The following CLTC variants were observed in gnomAD, a reference collection of about 807,000 sequenced individuals.
The protein encoded by CLTC is clathrin heavy chain.
In CLTC, 16 loss-of-function variants were observed where a neutral mutation model predicts 195.8. The observed-to-expected ratio is 0.08, with a 90% confidence interval of 0.06 to 0.12. CLTC has a LOEUF of 0.12. Among genes scored for constraint, CLTC ranks in the 10% least tolerant of loss-of-function variants. The pLI, the probability that CLTC is intolerant of heterozygous loss-of-function variation, is 1.00. For synonymous variants in CLTC, 667 were observed against 689.4 expected, an observed-to-expected ratio of 0.97 and a Z score of 0.51; for missense variants, 796 against 2,027.0, an observed-to-expected ratio of 0.39 and a Z score of 11.66.
At chr17:59,668,196 A>G (rs998116046) in intron 13 of CLTC, among the ~76,000 whole-genome samples, 2 of 152,152 alleles carry the variant, frequency 1.3e-5, no homozygotes, top group African/African-American at 2.4e-5. Context: ...ATTCTTCCCA[A>G]ATTATTTTGT....
Position 59,682,341 on chromosome 17 carries a change from A to G in CLTC, c.3513A>G (p.Thr1171=). The change falls in exon 22 of 32, where the codon ACA becomes ACG. Residue 1171 remains threonine (T), a synonymous_variant. Coordinates refer to ENST00000269122, the MANE Select transcript of CLTC (RefSeq NM_004859.4). The surrounding 1 kb of genome is among the most constrained non-coding windows in gnomAD (Gnocchi z 6.8). ...RKKARESYVE[T]ELIFALAKTN... Reference sequence around the variant, plus strand: ...AGGCTCGAGAGTCCTATGTGGAGACAGAACTGATATTCGCACTGGCTAAAA... The same window carrying G: ...AGGCTCGAGAGTCCTATGTGGAGACGGAACTGATATTCGCACTGGCTAAAA... 1.2e-6 allele frequency: 2 copies of G among 1,614,194 alleles called. No homozygotes were observed. Among genetic ancestry groups the G allele is most frequent in the Non-Finnish European group, 1.7e-6 (2 of 1,179,998 alleles).
intron 6 of CLTC, among the ~76,000 whole-genome samples, chr17:59,656,973 A>G (rs902338753): frequency 6.6e-6 from 1 of 152,016 alleles, no homozygotes; most frequent in African/African-American, 2.4e-5. Flanking sequence ...CGCACAGCCT[A>G]TTTTAATATT....
intron 1 of CLTC, among the ~76,000 whole-genome samples, chr17:59,629,095 C>T (rs1028906480): frequency 6.6e-6 from 1 of 152,080 alleles, no homozygotes; most frequent in Non-Finnish European, 1.5e-5. Flanking sequence ...TTGGATAGAT[C>T]TCATTATTTA....
chr17:59,662,617 G>C (rs536235204), intron 8 of CLTC, among the ~76,000 whole-genome samples: 3 of 152,244 alleles, frequency 2.0e-5, no homozygotes, highest in African/African-American at 7.2e-5. Flanking sequence ...TATATGTTAG[G>C]ACTGTTTTTA....
chr17:59,647,592 G>T lies in CLTC; in HGVS notation c.445G>T (p.Ala149Ser). Residue 149 changes from alanine (A) to serine (S), a missense_variant, in exon 3 of 32, where the codon GCA (alanine) becomes TCA (serine). Ala to Ser is a moderately conservative substitution (Grantham distance 99). Around this residue, in one of 9 missense-constraint regions of CLTC, gnomAD observed 293 missense variants for 795.6 expected, o/e 0.37. Coordinates refer to ENST00000269122, the MANE Select transcript of CLTC (RefSeq NM_004859.4). The part of the protein sequence containing the change: ...VKMFDRHSSL[A>S]GCQIINYRTD... ...AATGTTTGATCGCCATTCTAGCCTT[G>T]CAGGGTGCCAGATTATCAATTACCG... 1.2e-6 allele frequency: 2 copies of T among 1,614,100 alleles called. No homozygotes were observed. Among genetic ancestry groups the T allele is most frequent in the Non-Finnish European group, 1.7e-6 (2 of 1,179,994 alleles).
At chr17:59,620,650 C>G (rs1234572294) in intron 1 of CLTC, among the ~76,000 whole-genome samples, 1 of 149,030 alleles carries the variant, frequency 6.7e-6, no homozygotes, top group African/African-American at 2.5e-5. Flanking sequence ...GAGGAGCAAC[C>G]TTTTTTTTCC....
At chr17:59,639,768 G>A (rs2031974989) in intron 1 of CLTC, among the ~76,000 whole-genome samples, 1 of 149,566 alleles carries the variant, frequency 6.7e-6, no homozygotes, top group Admixed American at 6.7e-5. Context: ...AGGAGTTCGA[G>A]ACCAGCCTGG....
chr17:59,670,150 C>A (rs1274009713), intron 14 of CLTC, among the ~76,000 whole-genome samples: 10 of 152,128 alleles, frequency 6.6e-5, no homozygotes, highest in Non-Finnish European at 8.8e-5. Context: ...ATTTGATACT[C>A]TGTGCTTGAC....
chr17:59,684,672 G>A (rs181900599), intron 28 of CLTC, among the ~76,000 whole-genome samples: 728 of 152,214 alleles, frequency 4.8e-3, no homozygotes, highest in Non-Finnish European at 8.3e-3. Flanking sequence ...CGGTTGTGGT[G>A]GCACGTGCCT....
chr17:59,679,335 TA>T, intron 17 of CLTC, 61 bp from the exon 18 acceptor site: 1 of 1,389,520 alleles, frequency 7.2e-7, no homozygotes, highest in Non-Finnish European at 9.9e-7. Flanking sequence ...AAATACCCTC[TA>T]AAATGCTATA....
At chr17:59,626,661 C>T (rs1232686343) in intron 1 of CLTC, among the ~76,000 whole-genome samples, 1 of 152,062 alleles carries the variant, frequency 6.6e-6, no homozygotes, top group African/African-American at 2.4e-5. Flanking sequence ...CACTATATGC[C>T]ATGCCAAAAC....
At chr17:59,662,255 T>G (rs2032627596) in intron 8 of CLTC, among the ~76,000 whole-genome samples, 1 of 152,200 alleles carries the variant, frequency 6.6e-6, no homozygotes, top group Non-Finnish European at 1.5e-5. Context: ...ATATGAACCT[T>G]TTCTAAATGT....
chr17:59,658,051 A>C (rs1050559882), intron 6 of CLTC, among the ~76,000 whole-genome samples: 2 of 151,998 alleles, frequency 1.3e-5, no homozygotes, highest in Admixed American at 1.3e-4. Context: ...ATACGAAAAA[A>C]AATTAGCTGG....
intron 6 of CLTC, among the ~76,000 whole-genome samples, chr17:59,657,934 C>T (rs779294450): frequency 1.3e-5 from 2 of 151,530 alleles, no homozygotes; most frequent in Non-Finnish European, 2.9e-5. Context: ...CACAGTGTCT[C>T]ACGCCTGTAA....
intron 30 of CLTC, chr17:59,689,279 CAATT>C (rs1252534921): frequency 6.6e-6 from 1 of 152,070 alleles, no homozygotes; most frequent in Non-Finnish European, 1.5e-5. Context: ...TAATATGAAA[CAATT>C]AAATATAAAA....
At chr17:59,637,566 A>G (rs975773760) in intron 1 of CLTC, among the ~76,000 whole-genome samples, 1 of 149,392 alleles carries the variant, frequency 6.7e-6, no homozygotes, top group African/African-American at 2.5e-5. Flanking sequence ...AAAAAAAAAA[A>G]AAAATTTTTT....
At chr17:59,674,548 G>T in intron 15 of CLTC, 153 bp from the exon 16 acceptor site, 1 of 603,980 alleles carries the variant, frequency 1.7e-6, no homozygotes, top group Non-Finnish European at 2.8e-6. Context: ...CTATCTAGTT[G>T]CAAATTTAGA....
chr17:59,623,437 G>C (rs1172609732), intron 1 of CLTC, among the ~76,000 whole-genome samples: 1 of 152,168 alleles, frequency 6.6e-6, no homozygotes. Context: ...AAAGTGTGTG[G>C]TTAATTTTAG....
At chr17:59,673,592 AT>A (rs2032901996) in intron 14 of CLTC, 54 bp from the exon 15 acceptor site, 1 of 1,397,316 alleles carries the variant, frequency 7.2e-7, no homozygotes, top group Non-Finnish European at 1.0e-6. Context: ...TGTTACACAG[AT>A]TTGATACCTC....
Sources: gnomAD v4.1 joint callset for allele counts (sites outside exome capture counted in the v4.1 genomes callset) on GRCh38, gnomAD v4.1.1 for gene constraint, gnomAD v4.1.1 regional missense constraint, Gnocchi (gnomAD v3.1) non-coding constraint, MANE v1.5 for transcripts, NCBI Gene and HGNC (gene_info 2026-07-23, HGNC 2026-07-21) for gene names.